Variants in TMF1 observed in about 807,000 individuals in gnomAD.
TMF1 encodes TATA element modulatory factor.
Under a neutral mutation model 126.5 loss-of-function variants are expected in TMF1, and 71 were observed. That is an observed-to-expected ratio of 0.56 (90% confidence interval 0.46 to 0.68). The LOEUF (loss-of-function observed/expected upper bound fraction) is 0.68, where lower values mean the gene tolerates loss of function less well. Ranked by LOEUF, TMF1 falls within the 30% of genes least tolerant of loss-of-function variation. TMF1 has a pLI of 0.00. For synonymous variants in TMF1, 461 were observed against 430.5 expected (o/e 1.07, Z -0.88); for missense variants, 1,259 against 1,253.2 (o/e 1.00, Z -0.07).
chr3:69,047,305 G>T, intron 2 of TMF1, 53 bp downstream of exon 2: 2 of 1,493,004 alleles, frequency 1.3e-6, no homozygotes, highest in Non-Finnish European at 1.8e-6. Flanking sequence ...TAAAACAAAT[G>T]ATTTAATCTC....
In TMF1 at chr3:69,048,009, T is replaced by C; in HGVS notation, c.696A>G (p.Gln232=). ...TKDIALEPKE[Q]KHEDRQSNTP... ...TATTGCTCTGCCTGTCTTCATGTTT[T>C]TGTTCCTTAGGTTCCAAAGCTATGT... is the stretch of plus-strand genomic sequence containing the variant. Residue 232 remains glutamine (Q), a synonymous_variant, in exon 2 of 17, where the codon CAA becomes CAG. Transcript: ENST00000398559. 1 of 1,613,972 alleles carries C rather than the reference T, an allele frequency of 6.2e-7. No homozygotes were observed. The highest frequency in any genetic ancestry group is 8.5e-7 in the Non-Finnish European group (1 of 1,180,032).
chr3:69,035,370 T>C, intron 8 of TMF1: 1 of 440,614 alleles, frequency 2.3e-6, no homozygotes, highest in Non-Finnish European at 4.1e-6. Context: ...GGCATAGCCA[T>C]TACCATACAA....
chr3:69,033,599 A>G lies in TMF1; in HGVS notation c.2350T>C (p.Ser784Pro). 6.2e-7 allele frequency: 1 copy of G among 1,613,958 alleles called. No individual in the cohort carries two copies. Among genetic ancestry groups the G allele is most frequent in the Non-Finnish European group, 8.5e-7 (1 of 1,179,984 alleles). The part of the protein sequence containing the change: ...QIENLQATLG[S>P]QTSSWEKLEK... ...AATTTCTCCCACGACGATGTCTGGG[A>G]TCCCAGGGTTGCTTGCAAATTTTCT... The change falls in exon 10 of 17, where the codon TCC becomes CCC. Residue 784 changes from serine to proline, a missense_variant. Transcript: ENST00000398559.
Position 69,048,151 on chromosome 3 carries a change from G to T in TMF1, c.554C>A (p.Ser185Ter). 6.2e-7 allele frequency: 1 copy of T among 1,614,102 alleles called. No individual in the cohort carries two copies. Among genetic ancestry groups the T allele is most frequent in the Non-Finnish European group, 8.5e-7 (1 of 1,180,022 alleles). The stretch of plus-strand genomic sequence containing the variant: ...ACTTACAGTTGGCACCTTCATATCC[G>T]ATTCTTTATTAACAGTTTCTTCGTG... ...GKHEETVNKESDMKVPTVSLK... is the reference protein window; with the variant it reads ...GKHEETVNKE The change falls in exon 2 of 17, where the codon TCG (serine) becomes TAG (stop). Residue 185 changes from serine (S) to a stop codon, truncating the protein, a stop_gained. Transcript: ENST00000398559. LOFTEE classifies it high-confidence loss of function.
chr3:69,020,605 A>G lies in TMF1; in HGVS notation c.*2572T>C, dbSNP rs920153861. 6.6e-6 allele frequency: 1 copy of G among 152,194 alleles called. No homozygotes were observed. The highest frequency in any genetic ancestry group is 1.5e-5 in the Non-Finnish European group (1 of 68,002). 9.4% of individuals were successfully genotyped at this position (152,194 alleles called of 1,614,324 possible). On this transcript the variant is annotated 3_prime_UTR_variant, in exon 17 of 17. Coordinates refer to ENST00000398559, the MANE Select transcript of TMF1 (RefSeq NM_007114.3). The stretch of plus-strand genomic sequence containing the variant: ...GGGTAGAGATGTTTTAATGACAAAC[A>G]GCAAAGTATAGCAACGAATATTCAA...
At chr3:69,024,280 T>A (rs1006409676) in intron 15 of TMF1, 100 bp from the exon 16 acceptor site, 1 of 1,177,190 alleles carries the variant, frequency 8.5e-7, no homozygotes, top group Non-Finnish European at 1.2e-6. Flanking sequence ...TTTTTTTTTT[T>A]TTTTGAAATA....
rs115508565 is a variant in TMF1, at chr3:69,034,587, A to G, written c.2244+436T>C. Among the ~76,000 whole-genome samples, 1,215 of 152,304 alleles carry G rather than the reference A, an allele frequency of 8.0e-3. 16 individuals are homozygous for G. Among genetic ancestry groups the G allele is most frequent in the African/African-American group, 0.027 (1,141 of 41,570 alleles). On this transcript the variant is annotated intron_variant, in intron 9 of 16. Transcript: ENST00000398559. The stretch of plus-strand genomic sequence containing the variant: ...AGTTCATCCAAACCTCTTAGTAGTT[A>G]CCTCCTCATCCAAATATTTCTAAGT...
intron 5 of TMF1, 123 bp downstream of exon 5, chr3:69,042,684 T>C (rs1360174874): frequency 3.8e-6 from 3 of 779,424 alleles, no homozygotes; most frequent in African/African-American, 3.4e-5. Flanking sequence ...CCTATTTCTA[T>C]GGTTTACGTC....
rs375651787 is a variant in TMF1 at position 69,040,395 on chromosome 3, T to G, written c.1685-702A>C. 6 of 152,348 alleles carry G rather than the reference T, an allele frequency of 3.9e-5. No homozygotes were observed. The East Asian group carries it at 1.2e-3, about 29-fold the overall frequency. The allele number at this position is 152,348 out of a possible 1,614,324, so 9.4% of individuals were successfully genotyped here. Reference sequence around the variant, plus strand: ...CTTAGGTTTGACTATGATGTACCTGTCAAGGAAAACGTACTTGCCCTTGGG... The same window carrying G: ...CTTAGGTTTGACTATGATGTACCTGGCAAGGAAAACGTACTTGCCCTTGGG... On this transcript the variant is annotated intron_variant, in intron 5 of 16. Coordinates refer to ENST00000398559, the MANE Select transcript of TMF1 (RefSeq NM_007114.3).
intron 8 of TMF1, 34 bp from the exon 9 acceptor site, chr3:69,035,149 T>C (rs769889654): frequency 1.9e-6 from 3 of 1,545,562 alleles, no homozygotes; most frequent in Admixed American, 1.7e-5. Context: ...TCACAAACAA[T>C]GGTACAGTAT....
intron 3 of TMF1, 138 bp from the exon 4 acceptor site, chr3:69,044,014 C>A: frequency 1.8e-6 from 1 of 557,264 alleles, no homozygotes; most frequent in African/African-American, 1.9e-5. Context: ...GGCCTATTAA[C>A]TTTTAAGAAA....
chr3:69,040,567 G>A (rs2091858073), intron 5 of TMF1: 1 of 152,226 alleles, frequency 6.6e-6, no homozygotes, highest in African/African-American at 2.4e-5. Context: ...TCTAGGTGAT[G>A]AAGTAATCAG....
Position 69,051,960 on chromosome 3 carries a change from G to C in TMF1, c.127C>G (p.Pro43Ala). The C allele has an allele frequency of 6.2e-7, 1 of 1,613,656 alleles. No individual in the cohort carries two copies. Among genetic ancestry groups the C allele is most frequent in the Admixed American group, 1.7e-5 (1 of 59,940 alleles). The change falls in exon 1 of 17, where the codon CCG becomes GCG. Residue 43 changes from proline (P) to alanine (A), a missense_variant. Coordinates refer to ENST00000398559, the MANE Select transcript of TMF1 (RefSeq NM_007114.3). ...TCTCTCTTACCCGGCTCTCCATACG[G>C]AATGGTCTCGGCCCAGATGCTCGGC... ...EEPSIWAETI[P>A]YGEPGISSPV...
At chr3:69,038,359 A>C (rs1047992950) in intron 8 of TMF1, among the ~76,000 whole-genome samples, 6 of 152,188 alleles carry the variant, frequency 3.9e-5, no homozygotes, top group African/African-American at 1.4e-4. Context: ...TCTAAAACTC[A>C]AAAAAATTAA....
intron 11 of TMF1, 78 bp downstream of exon 11, chr3:69,029,737 G>C (rs114583253): frequency 1.4e-6 from 2 of 1,387,008 alleles, no homozygotes; most frequent in Admixed American, 2.2e-5. Flanking sequence ...CACGGCGCCC[G>C]GCCCAACAAC....
At position 69,029,863 on chromosome 3, in the gene TMF1, A is replaced by T; in HGVS notation, c.2546T>A (p.Leu849Gln). 1 of 1,613,950 alleles carries T rather than the reference A, an allele frequency of 6.2e-7. No homozygotes were observed. The highest frequency in any genetic ancestry group is 8.5e-7 in the Non-Finnish European group (1 of 1,179,918). Reference sequence around the variant, plus strand: ...ACACAGCCTATTTTTCTCTGATTCTAGCTGGGCTTGAAATCTACTGTTTTC... The same window carrying T: ...ACACAGCCTATTTTTCTCTGATTCTTGCTGGGCTTGAAATCTACTGTTTTC... ...RQENSRFQAQLESEKNRLCKL... is the reference protein window; with the variant it reads ...RQENSRFQAQQESEKNRLCKL... Residue 849 changes from leucine (L) to glutamine (Q), a missense_variant, in exon 11 of 17, where the codon CTA (leucine) becomes CAA (glutamine). By Grantham distance (113) the Leu-to-Gln change is moderately radical. Coordinates refer to ENST00000398559, the MANE Select transcript of TMF1 (RefSeq NM_007114.3).
chr3:69,042,947 A>G (rs778696865), intron 4 of TMF1, 35 bp from the exon 5 acceptor site: 17 of 1,443,736 alleles, frequency 1.2e-5, no homozygotes, highest in Non-Finnish European at 1.6e-5. Context: ...ACCGTAAAGA[A>G]TGACTTTCAC....
intron 1 of TMF1, among the ~76,000 whole-genome samples, chr3:69,050,342 T>C (rs2091920310): frequency 6.6e-6 from 1 of 151,858 alleles, no homozygotes; most frequent in Non-Finnish European, 1.5e-5. Context: ...GAAAAGTATG[T>C]AGAAAACTTC....
intron 3 of TMF1, 78 bp from the exon 4 acceptor site, chr3:69,043,954 G>T (rs943963370): frequency 5.7e-6 from 7 of 1,219,080 alleles, no homozygotes; most frequent in Non-Finnish European, 7.8e-6. Flanking sequence ...ATTCTCAAAA[G>T]GAAGATAACT....
Sources: gnomAD v4.1 joint callset for allele counts (sites outside exome capture counted in the v4.1 genomes callset) on GRCh38, gnomAD v4.1.1 for gene constraint, MANE v1.5 for transcripts, NCBI Gene and HGNC (gene_info 2026-07-23, HGNC 2026-07-21) for gene names.